Variants in ESRRG observed in about 807,000 individuals in gnomAD.
The protein encoded by ESRRG is estrogen related receptor gamma.
A neutral mutation model predicts 44.0 loss-of-function variants in ESRRG; 13 were observed. That is an observed-to-expected ratio of 0.30 (90% CI 0.19 to 0.47). The LOEUF (loss-of-function observed/expected upper bound fraction) is 0.47, where lower values mean the gene tolerates loss of function less well. Ranked by LOEUF, ESRRG falls within the 20% of genes least tolerant of loss-of-function variation. ESRRG has a pLI of 1.00. For synonymous variants in ESRRG, 215 were observed against 214.6 expected (o/e 1.00, Z -0.02); for missense variants, 395 against 580.6 (o/e 0.68, Z 3.29).
intron 1 of ESRRG, among the ~76,000 whole-genome samples, chr1:216,680,733 C>T (rs1435224937): frequency 1.3e-5 from 2 of 152,182 alleles, no homozygotes; most frequent in East Asian, 3.9e-4. Flanking sequence ...TACAGCGAGT[C>T]TTAATTCTCT....
chr1:216,658,118 C>T (rs935708409), intron 2 of ESRRG, among the ~76,000 whole-genome samples: 1 of 152,122 alleles, frequency 6.6e-6, no homozygotes, highest in Non-Finnish European at 1.5e-5. Context: ...TTTCATCCTA[C>T]AGTGTCCTGT....
Position 217,115,767 on chromosome 1 carries a change from T to C in ESRRG, c.-230+21900A>G, listed in dbSNP as rs75695955. 1.7e-3 allele frequency among the ~76,000 whole-genome samples: 252 copies of C among 152,278 alleles called. 2 individuals carry two copies. The highest frequency in any genetic ancestry group is 5.9e-3 in the African/African-American group (246 of 41,544). ...TTCTTTTCTTCATAGCAGGTTTCAT[T>C]ATCTGAGGATATATGAAACAGTTTC... On this transcript the variant is annotated intron_variant, in intron 1 of 8. Coordinates refer to the ESRRG transcript ENST00000366940.
At position 217,074,116 on chromosome 1, in the gene ESRRG, C is replaced by T. The variant is rs545701519; in HGVS notation, c.-106+15391G>A. On this transcript the variant is annotated intron_variant, in intron 1 of 7. Transcript: ENST00000359162. The stretch of plus-strand genomic sequence containing the variant: ...GGGCTGGTGTGCAATGGCACAATCT[C>T]GGCTCACTGCAACCTCCACCTCCCA... Among the ~76,000 whole-genome samples, 30 of 150,066 alleles carry T rather than the reference C, an allele frequency of 2.0e-4. 1 individual carries two copies. The highest frequency in any genetic ancestry group is 3.4e-4 in the Non-Finnish European group (23 of 67,766).
At chr1:216,524,338 T>C (rs1421805224) in intron 5 of ESRRG, among the ~76,000 whole-genome samples, 1 of 148,188 alleles carries the variant, frequency 6.7e-6, no homozygotes, top group African/African-American at 2.6e-5. Flanking sequence ...CAGTAGGAGC[T>C]AGAGTTAAGC....
intron 2 of ESRRG, among the ~76,000 whole-genome samples, chr1:216,899,983 T>C (rs915975771): frequency 6.6e-6 from 1 of 152,202 alleles, no homozygotes; most frequent in Non-Finnish European, 1.5e-5. Context: ...TCAGAATCAC[T>C]CACTGTATAT....
intron 2 of ESRRG, among the ~76,000 whole-genome samples, chr1:216,835,922 T>C (rs1203314938): frequency 6.6e-6 from 1 of 152,134 alleles, no homozygotes; most frequent in Non-Finnish European, 1.5e-5. Context: ...TTTTATTCCA[T>C]TGTTCTGAAA....
intron 1 of ESRRG, among the ~76,000 whole-genome samples, chr1:217,133,639 CTCTCTCTCTTTCTTTCTTTCTTTCTT>C (rs1310798979): frequency 1.4e-4 from 13 of 91,092 alleles, no homozygotes; most frequent in Admixed American, 4.1e-4. Context: ...CTTTCTCTCT[CTCTCTCTCTTTCTTTCTTTCTTTCTT>C]TCTTTCTTTC....
intron 1 of ESRRG, among the ~76,000 whole-genome samples, chr1:217,037,929 T>A (rs868324735): frequency 6.6e-6 from 1 of 152,112 alleles, no homozygotes. Flanking sequence ...TCCAAAATGA[T>A]CTCCTTTGAC....
intron 1 of ESRRG, among the ~76,000 whole-genome samples, chr1:216,711,374 GCA>G (rs1427644952): frequency 6.6e-6 from 1 of 152,182 alleles, no homozygotes; most frequent in Non-Finnish European, 1.5e-5. Context: ...ATTTCATGGA[GCA>G]CAGTTTTAAT....
intron 1 of ESRRG, among the ~76,000 whole-genome samples, chr1:216,683,700 A>C (rs750991394): frequency 2.0e-5 from 3 of 152,222 alleles, no homozygotes; most frequent in Non-Finnish European, 2.9e-5. Context: ...TTTCTGGCTG[A>C]TCATCGAAAT....
At chr1:216,724,038 A>G (rs2086969852), upstream of ESRRG, among the ~76,000 whole-genome samples, 1 of 152,148 alleles carries the variant, frequency 6.6e-6, no homozygotes, top group Admixed American at 6.5e-5. Context: ...AAAAATAATA[A>G]TAATAAAGGC....
intron 1 of ESRRG, among the ~76,000 whole-genome samples, chr1:216,680,707 T>C (rs2076893525): frequency 1.3e-5 from 2 of 152,214 alleles, no homozygotes; most frequent in Admixed American, 6.5e-5. Context: ...GACACTATTA[T>C]ATTATAACCT....
rs558380509 is a variant in ESRRG, at chr1:216,796,768, C to T, written c.-13-119277G>A. ...CCAGCCCTCTCCACACTTTCTTATG[C>T]TCAAAGCCAGAAACTTCTTGGTTGA... On this transcript the variant is annotated intron_variant, in intron 2 of 7. Transcript: ENST00000359162. 6.6e-5 allele frequency among the ~76,000 whole-genome samples: 10 copies of T among 152,024 alleles called. No individual in the cohort carries two copies. In the East Asian group the frequency reaches 1.7e-3, roughly 27 times the overall value.
intron 1 of ESRRG, among the ~76,000 whole-genome samples, chr1:217,112,935 T>C (rs907400941): frequency 3.9e-5 from 6 of 152,160 alleles, no homozygotes; most frequent in African/African-American, 1.4e-4. Flanking sequence ...AGGAGCCTCA[T>C]ATAGGACTCA....
intron 2 of ESRRG, among the ~76,000 whole-genome samples, chr1:216,815,901 C>T (rs1459182491): frequency 1.3e-5 from 2 of 152,136 alleles, no homozygotes; most frequent in East Asian, 3.9e-4. Flanking sequence ...TATTTGGTGT[C>T]ACTTGTTTTT....
chr1:217,087,068 T>C (rs778231711), intron 1 of ESRRG, among the ~76,000 whole-genome samples: 1 of 152,228 alleles, frequency 6.6e-6, no homozygotes, highest in African/African-American at 2.4e-5. Flanking sequence ...AAGTTTTCTC[T>C]TGAGTATTCA....
intron 2 of ESRRG, among the ~76,000 whole-genome samples, chr1:216,876,847 T>C (rs1239276209): frequency 6.6e-6 from 1 of 152,204 alleles, no homozygotes; most frequent in Non-Finnish European, 1.5e-5. Context: ...CCTGGTTAAA[T>C]ACTTTACACC....
chr1:216,579,430 T>C, intron 3 of ESRRG, among the ~76,000 whole-genome samples: 1 of 152,088 alleles, frequency 6.6e-6, no homozygotes, highest in East Asian at 1.9e-4. Context: ...GTTGGGAAAG[T>C]ATATACTCTG....
At chr1:216,632,735 T>A (rs1461039063) in intron 3 of ESRRG, among the ~76,000 whole-genome samples, 2 of 152,062 alleles carry the variant, frequency 1.3e-5, no homozygotes, top group African/African-American at 2.4e-5. Context: ...TTTTTTTTAA[T>A]TCCAGAGTAA....
Sources: gnomAD v4.1 joint callset for allele counts (sites outside exome capture counted in the v4.1 genomes callset) on GRCh38, gnomAD v4.1.1 for gene constraint, MANE v1.5 for transcripts, NCBI Gene and HGNC (gene_info 2026-07-23, HGNC 2026-07-21) for gene names.